The following PACRG variants were observed in gnomAD, a reference collection of about 807,000 sequenced individuals.
PACRG encodes the protein parkin coregulated gene protein.
Under a neutral mutation model 29.7 loss-of-function variants are expected in PACRG, and 29 were observed. The ratio of observed to expected loss-of-function variants is 0.98; its 90% CI spans 0.73 to 1.33. The LOEUF is 1.33. PACRG is among the 40% of genes most tolerant of loss of function. PACRG has a pLI of 0.00. For synonymous variants in PACRG, 116 were observed against 118.7 expected, an observed-to-expected ratio of 0.98 and a Z score of 0.15; for missense variants, 279 against 316.2, an observed-to-expected ratio of 0.88 and a Z score of 0.89.
At chr6:163,222,345 C>T (rs957615159) in intron 4 of PACRG, among the ~76,000 whole-genome samples, 3 of 152,068 alleles carry the variant, frequency 2.0e-5, no homozygotes, top group South Asian at 2.1e-4. Flanking sequence ...TGTGTGAGGC[C>T]GAGGCGGGTG....
At chr6:162,801,826 A>G (rs1785904972) in intron 1 of PACRG, among the ~76,000 whole-genome samples, 1 of 152,180 alleles carries the variant, frequency 6.6e-6, no homozygotes, top group Admixed American at 6.5e-5. Flanking sequence ...TAAAATTTAT[A>G]GAAAATTCAG....
At chr6:162,741,099 G>A (rs1780558033) in intron 1 of PACRG, among the ~76,000 whole-genome samples, 2 of 152,018 alleles carry the variant, frequency 1.3e-5, no homozygotes, top group South Asian at 2.1e-4. Context: ...TAATCATGAT[G>A]TATTTAGCTT....
At chr6:162,838,012 T>C (rs1400098448) in intron 2 of PACRG, among the ~76,000 whole-genome samples, 5 of 152,156 alleles carry the variant, frequency 3.3e-5, no homozygotes, top group African/African-American at 1.2e-4. Flanking sequence ...TTAGATAATA[T>C]AGAAAAATGT....
chr6:162,853,162 C>G lies in PACRG; in HGVS notation c.291+38881C>G, dbSNP rs1791073654. Among the ~76,000 whole-genome samples the G allele has an allele frequency of 6.6e-6, 1 of 152,188 alleles. No individual in the cohort carries two copies. The highest frequency in any genetic ancestry group is 2.4e-5 in the African/African-American group (1 of 41,442). Reference sequence around the variant, plus strand: ...AGGGGCTTTCCTGAGCAGATCATCACTTTCAGAAAAGAGTACACTGAACGT... The same window carrying G: ...AGGGGCTTTCCTGAGCAGATCATCAGTTTCAGAAAAGAGTACACTGAACGT... On this transcript the variant is annotated intron_variant, in intron 2 of 4. Transcript: ENST00000366888. The surrounding 1 kb of genome is among the most constrained non-coding windows in gnomAD (Gnocchi z 4.7).
intron 4 of PACRG, among the ~76,000 whole-genome samples, chr6:163,298,641 A>G (rs1476011498): frequency 6.6e-6 from 1 of 152,228 alleles, no homozygotes; most frequent in Non-Finnish European, 1.5e-5. Flanking sequence ...AGGTAGACTT[A>G]ATGTCTCTAG....
At chr6:162,871,509 T>C (rs1480744281) in intron 2 of PACRG, among the ~76,000 whole-genome samples, 1 of 152,252 alleles carries the variant, frequency 6.6e-6, no homozygotes, top group African/African-American at 2.4e-5. Context: ...AAATCATCAG[T>C]AGCTTATGCT....
chr6:163,224,368 CAAAAAAAAAAAAAAAAA>C (rs531356479), intron 4 of PACRG, among the ~76,000 whole-genome samples: 1 of 47,280 alleles, frequency 2.1e-5, no homozygotes, highest in Non-Finnish European at 4.1e-5. Flanking sequence ...GACTCCATCT[CAAAAAAAAAAAAAAAAA>C]AAAAAAAAAG....
At chr6:163,156,223 T>C (rs181468072) in intron 4 of PACRG, among the ~76,000 whole-genome samples, 18 of 152,334 alleles carry the variant, frequency 1.2e-4, no homozygotes, top group African/African-American at 4.3e-4. Flanking sequence ...ACTCCGAAAT[T>C]TCAGTTTGCC....
intron 2 of PACRG, among the ~76,000 whole-genome samples, chr6:162,872,960 T>C (rs1000535443): frequency 1.3e-5 from 2 of 152,186 alleles, no homozygotes; most frequent in African/African-American, 4.8e-5. Flanking sequence ...AATCTCAATT[T>C]TATTAGTACA....
intron 1 of PACRG, among the ~76,000 whole-genome samples, chr6:162,742,375 T>C (rs1780667121): frequency 6.6e-6 from 1 of 152,188 alleles, no homozygotes; most frequent in African/African-American, 2.4e-5. Context: ...CCTTTCGCCT[T>C]CCACCATGAT....
At chr6:162,797,686 A>G (rs1344233469) in intron 1 of PACRG, among the ~76,000 whole-genome samples, 5 of 150,618 alleles carry the variant, frequency 3.3e-5, no homozygotes, top group African/African-American at 1.2e-4. Context: ...TTTGGGGGGG[A>G]CTTCAATTAT....
At chr6:163,051,747 C>T (rs747266741) in intron 2 of PACRG, 3 of 152,184 alleles carry the variant, frequency 2.0e-5, no homozygotes, top group Non-Finnish European at 2.9e-5. Flanking sequence ...TAATCTGATA[C>T]TTCCTGGGGT....
At chr6:163,271,291 C>CAGA (rs1481094870) in intron 4 of PACRG, among the ~76,000 whole-genome samples, 1 of 152,240 alleles carries the variant, frequency 6.6e-6, no homozygotes, top group Non-Finnish European at 1.5e-5. Flanking sequence ...TCTCCCAGGA[C>CAGA]CGACTCAAAT....
chr6:162,930,219 C>T (rs1296010784), intron 2 of PACRG, among the ~76,000 whole-genome samples: 1 of 151,810 alleles, frequency 6.6e-6, no homozygotes, highest in East Asian at 1.9e-4. Context: ...TATTCCAATC[C>T]ATGAGCATGG....
intron 1 of PACRG, among the ~76,000 whole-genome samples, chr6:162,744,824 G>GA (rs1334264320): frequency 6.6e-6 from 1 of 151,990 alleles, no homozygotes; most frequent in Non-Finnish European, 1.5e-5. Context: ...TCAGTAAGTA[G>GA]AAAATGCAAA....
intron 4 of PACRG, among the ~76,000 whole-genome samples, chr6:163,117,749 C>T (rs1178609206): frequency 5.2e-5 from 6 of 115,418 alleles, no homozygotes; most frequent in Non-Finnish European, 1.0e-4. Flanking sequence ...GAGACTCTGT[C>T]TCAAAAAAAA....
rs149070431 is a variant in PACRG at position 163,002,121 on chromosome 6, A to G, written c.292-60029A>G. Reference sequence around the variant, plus strand: ...TTCAGAACGACAGAATATTGTACACATTTCTTTGGAGGTAAGAATCTTAAG... The same window carrying G: ...TTCAGAACGACAGAATATTGTACACGTTTCTTTGGAGGTAAGAATCTTAAG... On this transcript the variant is annotated intron_variant, in intron 2 of 4. Coordinates refer to ENST00000366888, the MANE Select transcript of PACRG (RefSeq NM_001080379.2). 6.4e-3 allele frequency among the ~76,000 whole-genome samples: 971 copies of G among 152,312 alleles called. 13 individuals carry two copies. Among genetic ancestry groups the G allele is most frequent in the African/African-American group, 0.023 (938 of 41,564 alleles).
chr6:163,284,686 G>C (rs1157802830), intron 4 of PACRG, among the ~76,000 whole-genome samples: 1 of 152,076 alleles, frequency 6.6e-6, no homozygotes, highest in African/African-American at 2.4e-5. Flanking sequence ...TGGATGTCCA[G>C]AGCCGCCCCC....
At position 162,728,317 on chromosome 6, in the gene PACRG, C is replaced by T; in HGVS notation, c.82C>T (p.Pro28Ser). 1.2e-6 allele frequency: 2 copies of T among 1,614,010 alleles called. No individual in the cohort carries two copies. The highest frequency in any genetic ancestry group is 2.2e-5 in the East Asian group (1 of 44,876). ...GAGGACCAAGCTGCTGGCACAACAG[C>T]CGCTCCCGGTGCACCAGCCTCACTC... ...PKRTKLLAQQ[P>S]LPVHQPHSLV... The change falls in exon 1 of 5, where the codon CCG becomes TCG. Residue 28 changes from proline to serine, a missense_variant. Transcript: ENST00000366888.
Sources: gnomAD v4.1 joint callset for allele counts (sites outside exome capture counted in the v4.1 genomes callset) on GRCh38, gnomAD v4.1.1 for gene constraint, Gnocchi (gnomAD v3.1) non-coding constraint, MANE v1.5 for transcripts, NCBI Gene and HGNC (gene_info 2026-07-23, HGNC 2026-07-21) for gene names.